Variants in NCOA6 observed in about 807,000 individuals in gnomAD.
NCOA6 encodes NRC RAP250.
A neutral mutation model predicts 171.4 loss-of-function variants in NCOA6; 49 were observed. That is an observed-to-expected ratio of 0.29 (90% CI 0.23 to 0.36). The LOEUF is 0.36. Among genes scored for constraint, NCOA6 ranks in the 10% least tolerant of loss-of-function variants. NCOA6 has a pLI of 1.00. For missense variants in NCOA6, 2,248 were observed against 2,554.5 expected (o/e 0.88, Z 2.59); for synonymous variants, 910 against 927.5 (o/e 0.98, Z 0.34).
At chr20:34,802,372 C>T (rs2078284402) in intron 1 of NCOA6, among the ~76,000 whole-genome samples, 1 of 152,198 alleles carries the variant, frequency 6.6e-6, no homozygotes, top group Non-Finnish European at 1.5e-5. Flanking sequence ...GAGGCCGAGG[C>T]AGTCGGATCA....
chr20:34,723,209 C>G (rs1227963890), intron 14 of NCOA6, among the ~76,000 whole-genome samples: 1 of 152,156 alleles, frequency 6.6e-6, no homozygotes, highest in Non-Finnish European at 1.5e-5. Flanking sequence ...AAGTGGGCAG[C>G]AGTCTTGTGG....
chr20:34,782,084 AC>A (rs1161841567), intron 3 of NCOA6, 36 bp downstream of exon 3: 1 of 1,394,878 alleles, frequency 7.2e-7, no homozygotes, highest in Non-Finnish European at 9.8e-7. Context: ...CATTTCAAAA[AC>A]AGTAACAGGA....
intron 1 of NCOA6, among the ~76,000 whole-genome samples, chr20:34,792,764 T>G (rs2146340374): frequency 6.7e-6 from 1 of 148,438 alleles, no homozygotes; most frequent in East Asian, 2.0e-4. Flanking sequence ...TCTACAAAGA[T>G]TATCTTTTCT....
intron 7 of NCOA6, 125 bp downstream of exon 7, chr20:34,757,094 AC>A: frequency 1.0e-6 from 1 of 999,804 alleles, no homozygotes; most frequent in Non-Finnish European, 1.4e-6. Context: ...AAGTGTCACC[AC>A]CATATCCACA....
At chr20:34,816,465 A>G (rs1383648646) in intron 1 of NCOA6, among the ~76,000 whole-genome samples, 1 of 152,186 alleles carries the variant, frequency 6.6e-6, no homozygotes, top group African/African-American at 2.4e-5. Flanking sequence ...AGAGGCAAAG[A>G]TGGAGTGATG....
intron 3 of NCOA6, 28 bp downstream of exon 3, chr20:34,782,093 G>A: frequency 6.9e-7 from 1 of 1,441,640 alleles, no homozygotes; most frequent in African/African-American, 1.4e-5. Context: ...AACAGTAACA[G>A]GAAGAAAAAA....
At position 34,789,819 on chromosome 20, in the gene NCOA6, C is replaced by T. The variant is rs983782590; in HGVS notation, c.-50+2631G>A. On this transcript the variant is annotated intron_variant, in intron 2 of 14. Coordinates refer to ENST00000359003, the MANE Select transcript of NCOA6 (RefSeq NM_014071.5). ...AAAATTAAAAATGACTATAAATACTCGGTAAATGTCAAAGTGTTATAGTCA... is the reference window on the plus strand; with the variant it reads ...AAAATTAAAAATGACTATAAATACTTGGTAAATGTCAAAGTGTTATAGTCA... 5.3e-5 allele frequency among the ~76,000 whole-genome samples: 8 copies of T among 152,140 alleles called. No individual in the cohort carries two copies. The East Asian group carries it at 1.5e-3, about 29-fold the overall frequency.
At chr20:34,751,015 AAAATT>A (rs906204834) in intron 8 of NCOA6, among the ~76,000 whole-genome samples, 1 of 151,844 alleles carries the variant, frequency 6.6e-6, no homozygotes, top group African/African-American at 2.4e-5. Context: ...CCCGTCTCAA[AAAATT>A]AAATTAAATT....
At chr20:34,717,006 G>A (rs1988684006) in intron 14 of NCOA6, among the ~76,000 whole-genome samples, 1 of 152,106 alleles carries the variant, frequency 6.6e-6, no homozygotes, top group Non-Finnish European at 1.5e-5. Context: ...TGGTAACTAG[G>A]CTGAATTTTC....
rs919609196 is a variant in NCOA6 at position 34,819,874 on chromosome 20, T to C, written c.-164+5598A>G. 5.4e-4 allele frequency: 82 copies of C among 152,198 alleles called. 1 individual carries two copies. The highest frequency in any genetic ancestry group is 1.9e-3 in the African/African-American group (79 of 41,506). 9.4% of individuals were successfully genotyped at this position (152,198 alleles called of 1,614,324 possible). A position where few individuals can be genotyped will look rare whatever the true frequency, so the allele number is the denominator to read the frequency against. Reference sequence around the variant, plus strand: ...GCAATGAGGTTTTATTTGTCCAAGGTCACACAATCAGCAAGCAGCAGTGCT... The same window carrying C: ...GCAATGAGGTTTTATTTGTCCAAGGCCACACAATCAGCAAGCAGCAGTGCT... On this transcript the variant is annotated intron_variant, in intron 1 of 14. Coordinates refer to ENST00000359003, the MANE Select transcript of NCOA6 (RefSeq NM_014071.5).
chr20:34,731,476 T>C (rs1008905939), intron 13 of NCOA6, among the ~76,000 whole-genome samples: 4 of 152,240 alleles, frequency 2.6e-5, no homozygotes, highest in African/African-American at 4.8e-5. Flanking sequence ...TTCTGAACTT[T>C]AGATTTCTCA....
intron 1 of NCOA6, among the ~76,000 whole-genome samples, chr20:34,794,589 AAAAC>A (rs1376400040): frequency 6.6e-6 from 1 of 152,220 alleles, no homozygotes; most frequent in Non-Finnish European, 1.5e-5. Context: ...TGAGAGAAAA[AAAAC>A]AGAGTAAACC....
intron 8 of NCOA6, among the ~76,000 whole-genome samples, chr20:34,751,319 G>A (rs1320738665): frequency 1.5e-5 from 2 of 134,986 alleles, no homozygotes; most frequent in Non-Finnish European, 1.5e-5. Context: ...GCAGTGAGCC[G>A]AGATTGCGCC....
At chr20:34,785,570 G>A (rs1206684886) in intron 2 of NCOA6, among the ~76,000 whole-genome samples, 6 of 151,840 alleles carry the variant, frequency 4.0e-5, no homozygotes, top group Non-Finnish European at 8.8e-5. Context: ...CAAAACTAAT[G>A]AAGATTTTTA....
intron 12 of NCOA6, chr20:34,732,826 T>C: frequency 2.5e-6 from 1 of 399,900 alleles, no homozygotes; most frequent in Admixed American, 4.3e-5. Flanking sequence ...AAATAATCTG[T>C]TTGGATTAAT....
intron 5 of NCOA6, among the ~76,000 whole-genome samples, chr20:34,759,696 TCTG>T (rs889856017): frequency 1.3e-5 from 2 of 152,214 alleles, no homozygotes; most frequent in Admixed American, 6.5e-5. Context: ...TATCCACCCT[TCTG>T]CTGATGAATA....
chr20:34,783,022 C>T (rs1358201457), intron 2 of NCOA6, among the ~76,000 whole-genome samples: 1 of 152,162 alleles, frequency 6.6e-6, no homozygotes, highest in Non-Finnish European at 1.5e-5. Flanking sequence ...TGGCTCACAC[C>T]TGTAATCCCA....
At chr20:34,768,702 T>A in intron 4 of NCOA6, 116 bp from the exon 5 acceptor site, 1 of 1,232,016 alleles carries the variant, frequency 8.1e-7, no homozygotes, top group Non-Finnish European at 1.1e-6. Flanking sequence ...ATGGTTAGTT[T>A]ACCACCAGAA....
chr20:34,759,211 G>A (rs376038020), intron 5 of NCOA6, among the ~76,000 whole-genome samples: 45 of 151,806 alleles, frequency 3.0e-4, no homozygotes, highest in East Asian at 2.5e-3. Context: ...CCAGCTAATC[G>A]TTCTATATTT....
Sources: allele counts gnomAD v4.1 joint callset (sites outside exome capture counted in the v4.1 genomes callset), GRCh38; gene constraint gnomAD v4.1.1; transcripts MANE v1.5; gene names NCBI Gene and HGNC (gene_info 2026-07-23, HGNC 2026-07-21).